SDK1: variants seen among roughly 807,000 people sequenced by gnomAD.
SDK1 encodes the protein sidekick cell adhesion molecule 1.
In SDK1, 157 loss-of-function variants were observed where a neutral mutation model predicts 245.5. That is an observed-to-expected ratio of 0.64 (90% CI 0.56 to 0.73). SDK1 has a LOEUF of 0.73. SDK1 is among the 30% of genes least tolerant of loss of function. The pLI is 0.00. For missense variants in SDK1, 3,583 were observed against 3,002.3 expected, an observed-to-expected ratio of 1.19 and a Z score of -4.52; for synonymous variants, 1,647 against 1,278.5, an observed-to-expected ratio of 1.29 and a Z score of -6.15.
chr7:3,861,389 T>C (rs1168608020), intron 5 of SDK1, among the ~76,000 whole-genome samples: 3 of 152,214 alleles, frequency 2.0e-5, no homozygotes, highest in Admixed American at 6.5e-5. Context: ...AGCATCTTCT[T>C]GCTTGATTGT....
intron 1 of SDK1, among the ~76,000 whole-genome samples, chr7:3,345,945 G>C (rs1324597398): frequency 6.6e-6 from 1 of 152,088 alleles, no homozygotes; most frequent in Non-Finnish European, 1.5e-5. Flanking sequence ...GCAGTTATTC[G>C]GTTCTTGTTT....
chr7:4,024,889 C>T (rs980836501), intron 17 of SDK1, among the ~76,000 whole-genome samples: 1 of 132,478 alleles, frequency 7.5e-6, no homozygotes, highest in South Asian at 2.3e-4. Flanking sequence ...TCCAGATTCC[C>T]ACAGCCGCAT....
intron 17 of SDK1, among the ~76,000 whole-genome samples, chr7:4,020,547 G>A (rs1479874341): frequency 2.6e-5 from 4 of 152,166 alleles, no homozygotes; most frequent in African/African-American, 7.2e-5. Context: ...GCTCTGGAGG[G>A]GAAGATGCAA....
At chr7:3,438,334 A>G (rs998408864) in intron 1 of SDK1, among the ~76,000 whole-genome samples, 21 of 152,304 alleles carry the variant, frequency 1.4e-4, no homozygotes, top group Admixed American at 2.0e-4. Context: ...TATCACCTTC[A>G]TGTGAAGACA....
intron 44 of SDK1, among the ~76,000 whole-genome samples, chr7:4,248,762 A>G (rs1412888491): frequency 6.6e-6 from 1 of 152,146 alleles, no homozygotes; most frequent in Non-Finnish European, 1.5e-5. Flanking sequence ...TTGCATGTGC[A>G]CACATACATC....
intron 1 of SDK1, among the ~76,000 whole-genome samples, chr7:3,566,217 A>ATTT (rs1554290435): frequency 2.8e-5 from 4 of 143,016 alleles, no homozygotes; most frequent in Admixed American, 7.2e-5. Flanking sequence ...AACTTGATAA[A>ATTT]CTTCTTCTTT....
At chr7:3,320,757 A>C (rs1444805589) in intron 1 of SDK1, among the ~76,000 whole-genome samples, 1 of 152,220 alleles carries the variant, frequency 6.6e-6, no homozygotes, top group African/African-American at 2.4e-5. Flanking sequence ...CCATAAGACC[A>C]GTCATATTTT....
At chr7:3,520,172 G>T (rs982919827) in intron 1 of SDK1, among the ~76,000 whole-genome samples, 1 of 152,178 alleles carries the variant, frequency 6.6e-6, no homozygotes, top group Admixed American at 6.5e-5. Context: ...GGGGTTACAT[G>T]TATATGCTGC....
At chr7:3,510,261 G>T (rs1290341280) in intron 1 of SDK1, among the ~76,000 whole-genome samples, 1 of 152,166 alleles carries the variant, frequency 6.6e-6, no homozygotes, top group African/African-American at 2.4e-5. Flanking sequence ...CCTGCCTCAA[G>T]GAGTTTAACA....
intron 1 of SDK1, among the ~76,000 whole-genome samples, chr7:3,520,561 C>T (rs1245953802): frequency 2.0e-5 from 3 of 152,140 alleles, no homozygotes. Flanking sequence ...ATATCAAAAG[C>T]AGTTGAAGCA....
At chr7:3,481,357 G>A (rs1781515705) in intron 1 of SDK1, among the ~76,000 whole-genome samples, 1 of 152,186 alleles carries the variant, frequency 6.6e-6, no homozygotes, top group Non-Finnish European at 1.5e-5. Context: ...TCCTGGTACA[G>A]TTTCGTTTAT....
chr7:4,086,217 C>T (rs756290908), intron 22 of SDK1, among the ~76,000 whole-genome samples: 16 of 152,238 alleles, frequency 1.1e-4, no homozygotes, highest in Non-Finnish European at 1.9e-4. Flanking sequence ...CAGGTCTGCC[C>T]GGTGTGCATG....
At chr7:3,817,505 C>A (rs537921902) in intron 4 of SDK1, among the ~76,000 whole-genome samples, 38 of 152,358 alleles carry the variant, frequency 2.5e-4, no homozygotes, top group Admixed American at 5.2e-4. Flanking sequence ...TCCTGGTCTT[C>A]AGGCACCTAT....
chr7:3,818,324 T>C (rs899263630), intron 4 of SDK1, among the ~76,000 whole-genome samples: 4 of 152,234 alleles, frequency 2.6e-5, no homozygotes, highest in African/African-American at 9.6e-5. Context: ...AGGTAATTCA[T>C]ATTATGGGCA....
chr7:3,383,677 G>A (rs1360380270), intron 1 of SDK1, among the ~76,000 whole-genome samples: 2 of 152,134 alleles, frequency 1.3e-5, no homozygotes, highest in African/African-American at 2.4e-5. Context: ...TTAATTACAC[G>A]ACTGAGAAAA....
In SDK1 at chr7:3,723,127, C is replaced by G. The variant is rs74810475; in HGVS notation, c.713+81022C>G. Among the ~76,000 whole-genome samples, 420 of 152,362 alleles carry G rather than the reference C, an allele frequency of 2.8e-3. 4 individuals are homozygous for G. Among genetic ancestry groups the G allele is most frequent in the African/African-American group, 1.0e-2 (414 of 41,590 alleles). On this transcript the variant is annotated intron_variant, in intron 4 of 44. Transcript: ENST00000404826. ...GTGAGTCCATATAAAATTCTGTCCT[C>G]AGACGTTTCTCAAGTGTGTTCTAAA...
intron 6 of SDK1, among the ~76,000 whole-genome samples, chr7:3,951,295 G>T (rs1780809526): frequency 6.6e-6 from 1 of 152,134 alleles, no homozygotes; most frequent in African/African-American, 2.4e-5. Context: ...ATCCTCTCTA[G>T]GGAAGAGAGA....
In SDK1 at chr7:3,701,494, G is replaced by A. The variant is rs1004013138; in HGVS notation, c.713+59389G>A. Among the ~76,000 whole-genome samples the A allele has an allele frequency of 5.3e-5, 8 of 152,256 alleles. No individual in the cohort carries two copies. The South Asian group carries it at 8.3e-4, about 16-fold the overall frequency. On this transcript the variant is annotated intron_variant, in intron 4 of 44. Coordinates refer to ENST00000404826, the MANE Select transcript of SDK1 (RefSeq NM_152744.4). ...ACGTGCCTGTAGTCCCAGCTACTTG[G>A]GACCGTGGGGCAGGTGGATTGCTTG... is the stretch of plus-strand genomic sequence containing the variant.
At chr7:3,397,850 G>C (rs1296078346) in intron 1 of SDK1, among the ~76,000 whole-genome samples, 3 of 151,916 alleles carry the variant, frequency 2.0e-5, no homozygotes, top group African/African-American at 7.3e-5. Context: ...TAGAGCTTTT[G>C]GCATATTAAT....
Sources: allele counts gnomAD v4.1 joint callset (sites outside exome capture counted in the v4.1 genomes callset), GRCh38; gene constraint gnomAD v4.1.1; transcripts MANE v1.5; gene names NCBI Gene and HGNC (gene_info 2026-07-23, HGNC 2026-07-21).